The following GLIS1 variants were observed in gnomAD, a reference collection of about 807,000 sequenced individuals.
GLIS1 encodes the protein zinc finger protein GLIS1.
In GLIS1, 24 loss-of-function variants were observed where a neutral mutation model predicts 63.8. The observed-to-expected ratio is 0.38, with a 90% confidence interval of 0.27 to 0.53. The LOEUF (loss-of-function observed/expected upper bound fraction) is 0.53, where lower values mean the gene tolerates loss of function less well. Ranked by LOEUF, GLIS1 falls within the 20% of genes least tolerant of loss-of-function variation. GLIS1 has a pLI of 0.85. For missense variants in GLIS1, 1,036 were observed against 1,074.1 expected (o/e 0.96, Z 0.50); for synonymous variants, 450 against 482.5 (o/e 0.93, Z 0.88).
intron 10 of GLIS1, among the ~76,000 whole-genome samples, chr1:53,508,116 C>T (rs1644255335): frequency 6.6e-6 from 1 of 151,934 alleles, no homozygotes; most frequent in Non-Finnish European, 1.5e-5. Flanking sequence ...ACACAATGTG[C>T]ACACAGATGG....
intron 2 of GLIS1, among the ~76,000 whole-genome samples, chr1:53,729,247 G>A (rs1018037875): frequency 1.8e-4 from 27 of 152,204 alleles, no homozygotes; most frequent in African/African-American, 6.0e-4. Context: ...GCATCCACCC[G>A]CGGACCCCTC....
chr1:53,547,068 C>CTCGA (rs1490468341), intron 4 of GLIS1, among the ~76,000 whole-genome samples: 5 of 152,246 alleles, frequency 3.3e-5, no homozygotes, highest in Admixed American at 3.3e-4. Context: ...CAACGCTGTG[C>CTCGA]TCGATCAGGG....
At chr1:53,552,196 T>C (rs1478580944) in intron 4 of GLIS1, among the ~76,000 whole-genome samples, 1 of 152,068 alleles carries the variant, frequency 6.6e-6, no homozygotes, top group South Asian at 2.1e-4. Context: ...GCAAGTCCCC[T>C]AGCCTCTCCC....
At chr1:53,507,656 T>A (rs756160179) in intron 10 of GLIS1, among the ~76,000 whole-genome samples, 2 of 152,320 alleles carry the variant, frequency 1.3e-5, no homozygotes, top group Non-Finnish European at 2.9e-5. Context: ...ATGCTCTGTG[T>A]GTGATTTTTG....
chr1:53,623,444 G>A (rs1645565870), intron 2 of GLIS1, among the ~76,000 whole-genome samples: 2 of 152,114 alleles, frequency 1.3e-5, no homozygotes, highest in South Asian at 2.1e-4. Flanking sequence ...ATGCTTAATG[G>A]TGAAAGGCTG....
chr1:53,555,402 C>T (rs1055773989), intron 4 of GLIS1, among the ~76,000 whole-genome samples: 3 of 152,074 alleles, frequency 2.0e-5, no homozygotes, highest in Non-Finnish European at 2.9e-5. Context: ...CGGTGGTGGG[C>T]GCCTGCAGTC....
rs760283252 is a variant in GLIS1, at chr1:53,522,986, C to CTTTTTCTTTTTTTT, written c.1593+1790_1593+1791insAAAAAAAAGAAAAA. Reference sequence around the variant, plus strand: ...AGTTTCTTTTTCTTTTCTTTTCTTTCTTTTTTTTTTTTTTTTTTTGAGACA... The same window carrying CTTTTTCTTTTTTTT: ...AGTTTCTTTTTCTTTTCTTTTCTTTCTTTTTCTTTTTTTTTTTTTTTTTTTTTTTTTTTGAGACA... On this transcript the variant is annotated intron_variant, in intron 6 of 10. Coordinates refer to ENST00000628545, the MANE Select transcript of GLIS1 (RefSeq NM_001367484.1). Among the ~76,000 whole-genome samples the CTTTTTCTTTTTTTT allele has an allele frequency of 1.7e-3, 76 of 43,678 alleles. 1 individual carries two copies. Among genetic ancestry groups the CTTTTTCTTTTTTTT allele is most frequent in the East Asian group, 3.6e-3 (1 of 280 alleles). The allele number at this position is 43,678 out of a possible 152,430, so 28.7% of individuals were successfully genotyped here. A position where few individuals can be genotyped will look rare whatever the true frequency, so the allele number is the denominator to read the frequency against.
intron 2 of GLIS1, among the ~76,000 whole-genome samples, chr1:53,684,647 A>G (rs531561364): frequency 4.9e-5 from 7 of 143,228 alleles, no homozygotes; most frequent in Non-Finnish European, 1.1e-4. Flanking sequence ...TAGTGCCCAC[A>G]GGGTCACATC....
At chr1:53,576,386 AAAAG>A (rs1300783254) in intron 4 of GLIS1, among the ~76,000 whole-genome samples, 1 of 152,196 alleles carries the variant, frequency 6.6e-6, no homozygotes, top group Non-Finnish European at 1.5e-5. Flanking sequence ...CCTCATCCAT[AAAAG>A]AGAGAGAATA....
chr1:53,603,024 G>C lies in GLIS1; in HGVS notation c.260-2746C>G, dbSNP rs528289757. Reference sequence around the variant, plus strand: ...AAGCAGTTTGCCAAGGTCACACAGGGAAGAAGGGACTGAGTGGAGATCAAA... The same window carrying C: ...AAGCAGTTTGCCAAGGTCACACAGGCAAGAAGGGACTGAGTGGAGATCAAA... On this transcript the variant is annotated intron_variant, in intron 2 of 10. Transcript: ENST00000628545. 1.2e-4 allele frequency among the ~76,000 whole-genome samples: 18 copies of C among 152,338 alleles called. No homozygotes were observed. In the East Asian group the frequency reaches 3.5e-3, roughly 29 times the overall value.
At chr1:53,721,592 G>A (rs891359830) in intron 2 of GLIS1, among the ~76,000 whole-genome samples, 1 of 152,190 alleles carries the variant, frequency 6.6e-6, no homozygotes, top group African/African-American at 2.4e-5. Context: ...AGCCCTGGCC[G>A]AAGGCAGCTG....
At chr1:53,663,548 G>C (rs1023467848) in intron 2 of GLIS1, among the ~76,000 whole-genome samples, 4 of 152,222 alleles carry the variant, frequency 2.6e-5, no homozygotes, top group Admixed American at 2.6e-4. Context: ...ATCCAGAGGG[G>C]AGAACCCCAA....
intron 2 of GLIS1, among the ~76,000 whole-genome samples, chr1:53,671,502 C>T (rs1646151534): frequency 6.6e-6 from 1 of 152,174 alleles, no homozygotes; most frequent in Non-Finnish European, 1.5e-5. Context: ...AACGAGAGGC[C>T]CATGGCCCCC....
At chr1:53,619,595 A>T (rs1302919594) in intron 2 of GLIS1, among the ~76,000 whole-genome samples, 1 of 152,238 alleles carries the variant, frequency 6.6e-6, no homozygotes, top group Admixed American at 6.5e-5. Context: ...GGAATAACAC[A>T]TCTAGAAGGA....
At chr1:53,618,418 C>T (rs12140002) in intron 2 of GLIS1, among the ~76,000 whole-genome samples, 1 of 152,094 alleles carries the variant, frequency 6.6e-6, no homozygotes, top group Non-Finnish European at 1.5e-5. Flanking sequence ...ACAGTCCCAG[C>T]TCTGGCCTTT....
chr1:53,600,181 C>G lies in GLIS1; in HGVS notation c.357G>C (p.Leu119=). The G allele has an allele frequency of 1.6e-6, 2 of 1,231,818 alleles. No individual in the cohort carries two copies. Among genetic ancestry groups the G allele is most frequent in the Admixed American group, 4.2e-5 (1 of 23,726 alleles). 76.3% of individuals were successfully genotyped at this position (1,231,818 alleles called of 1,614,324 possible). A position where few individuals can be genotyped will look rare whatever the true frequency, so the allele number is the denominator to read the frequency against. The change falls in exon 3 of 11, where the codon CTG becomes CTC. Residue 119 remains leucine (L), a synonymous_variant. Coordinates refer to ENST00000628545, the MANE Select transcript of GLIS1 (RefSeq NM_001367484.1). The part of the protein sequence containing the change: ...EGPGPTCCQG[L]FLPAGSPPPR... ...GCGGTGGGCTTCCTGCAGGGAGAAA[C>G]AGGCCCTGGCAGCAGGTGGGGCCAG...
chr1:53,515,087 G>A lies in GLIS1; in HGVS notation c.1727-306C>T, dbSNP rs1310156779. 6.2e-4 allele frequency among the ~76,000 whole-genome samples: 82 copies of A among 132,666 alleles called. 1 individual carries two copies. In the South Asian group the frequency reaches 8.8e-3, roughly 14 times the overall value. The allele number at this position is 132,666 out of a possible 152,430, so 87.0% of individuals were successfully genotyped here. On this transcript the variant is annotated intron_variant, in intron 7 of 10. Transcript: ENST00000628545. ...TTAGGGTGTGTGTGTATATGTGTGTGTGTGTGTGTGTGTGTGTGTGTGTGT... is the reference window on the plus strand; with the variant it reads ...TTAGGGTGTGTGTGTATATGTGTGTATGTGTGTGTGTGTGTGTGTGTGTGT...
At chr1:53,573,451 G>T (rs1645002795) in intron 4 of GLIS1, among the ~76,000 whole-genome samples, 1 of 152,152 alleles carries the variant, frequency 6.6e-6, no homozygotes, top group Admixed American at 6.5e-5. Context: ...ACCCCGGCCT[G>T]AAGGAATGGT....
intron 5 of GLIS1, 84 bp from the exon 6 acceptor site, chr1:53,524,971 G>A: frequency 1.0e-6 from 1 of 1,001,636 alleles, no homozygotes; most frequent in Non-Finnish European, 1.5e-6. Flanking sequence ...GTGGGGAGGT[G>A]ACCAGGCGAG....
Sources: gnomAD v4.1 joint callset for allele counts (sites outside exome capture counted in the v4.1 genomes callset) on GRCh38, gnomAD v4.1.1 for gene constraint, MANE v1.5 for transcripts, NCBI Gene and HGNC (gene_info 2026-07-23, HGNC 2026-07-21) for gene names.